Variants in CAPZB observed in about 807,000 individuals in gnomAD.
The protein encoded by CAPZB is F-actin-capping protein subunit beta.
In CAPZB, 2 loss-of-function variants were observed where a neutral mutation model predicts 38.1. The ratio of observed to expected loss-of-function variants is 0.05; its 90% CI spans 0.02 to 0.17. The LOEUF is 0.17. Ranked by LOEUF, CAPZB falls within the 10% of genes least tolerant of loss-of-function variation. CAPZB has a pLI of 1.00. For missense variants in CAPZB, 161 were observed against 334.2 expected (o/e 0.48, Z 4.04); for synonymous variants, 107 against 127.4 (o/e 0.84, Z 1.08).
At position 19,387,717 on chromosome 1, in the gene CAPZB, G is replaced by A. The variant is rs117972383; in HGVS notation, c.94-2091C>T. ...GCGTACAAGTAGCCTTATGGCCTGG[G>A]TAAGTCATTTTACTTCTCTACTAAG... On this transcript the variant is annotated intron_variant, in intron 2 of 8. Transcript: ENST00000264202. 2.8e-3 allele frequency among the ~76,000 whole-genome samples: 432 copies of A among 152,308 alleles called. 3 individuals are homozygous for A. Among genetic ancestry groups the A allele is most frequent in the South Asian group, 0.027 (128 of 4,822 alleles).
intron 8 of CAPZB, 128 bp downstream of exon 8, chr1:19,344,230 C>T: frequency 1.4e-6 from 1 of 720,848 alleles, no homozygotes; most frequent in Non-Finnish European, 2.5e-6. Flanking sequence ...AATGATCATC[C>T]CAGAAGAGGG....
chr1:19,355,355 C>A (rs138857963), intron 6 of CAPZB, among the ~76,000 whole-genome samples: 1 of 151,916 alleles, frequency 6.6e-6, no homozygotes, highest in Non-Finnish European at 1.5e-5. Context: ...ATGAGCTGGG[C>A]GTGGTGGTGC....
chr1:19,368,836 T>C (rs2094105147), intron 4 of CAPZB, among the ~76,000 whole-genome samples: 1 of 152,126 alleles, frequency 6.6e-6, no homozygotes, highest in Non-Finnish European at 1.5e-5. Context: ...CCACCGCACC[T>C]ATTCTTGATA....
Position 19,419,374 on chromosome 1 carries a change from A to C in CAPZB, c.93+287T>G, listed in dbSNP as rs1185969281. On this transcript the variant is annotated intron_variant, in intron 2 of 8. Coordinates refer to ENST00000264202, the MANE Select transcript of CAPZB (RefSeq NM_004930.5). ...TATGGCCTCTTCCTCACCACGTCTA[A>C]ATGCAAGCTTCTAGAAACTGAAGAC... is the stretch of plus-strand genomic sequence containing the variant. Among the ~76,000 whole-genome samples the C allele has an allele frequency of 3.3e-5, 5 of 152,290 alleles. No individual in the cohort carries two copies. The East Asian group carries it at 9.6e-4, about 29-fold the overall frequency.
chr1:19,419,795 G>T (rs1372774037), intron 1 of CAPZB, 45 bp from the exon 2 acceptor site: 2 of 1,155,066 alleles, frequency 1.7e-6, no homozygotes, highest in East Asian at 2.6e-5. Flanking sequence ...TTTGCCAGAA[G>T]GAATATCAAA....
intron 8 of CAPZB, among the ~76,000 whole-genome samples, chr1:19,342,140 G>A (rs920645316): frequency 6.6e-6 from 1 of 152,236 alleles, no homozygotes; most frequent in Non-Finnish European, 1.5e-5. Flanking sequence ...CGTTAGGGGC[G>A]GAAGGTTATG....
chr1:19,464,014 A>G (rs1255217818), intron 1 of CAPZB, among the ~76,000 whole-genome samples: 2 of 81,234 alleles, frequency 2.5e-5, no homozygotes, highest in Non-Finnish European at 5.3e-5. Context: ...ATCTCTACTA[A>G]AAATACAAAA....
At chr1:19,442,149 CATT>C (rs2094479552) in intron 1 of CAPZB, among the ~76,000 whole-genome samples, 1 of 145,628 alleles carries the variant, frequency 6.9e-6, no homozygotes, top group African/African-American at 2.5e-5. Context: ...GAGCCTGTTA[CATT>C]ATTACTGTAA....
intron 2 of CAPZB, among the ~76,000 whole-genome samples, chr1:19,408,361 G>C (rs1277453134): frequency 6.6e-6 from 1 of 152,256 alleles, no homozygotes; most frequent in African/African-American, 2.4e-5. Flanking sequence ...ACCGTCTCAT[G>C]AATTCGGCTT....
rs765043545 is a variant in CAPZB, at chr1:19,357,686, C to A, written c.330-123G>T. On this transcript the variant is annotated intron_variant, in intron 4 of 8. Coordinates refer to ENST00000264202, the MANE Select transcript of CAPZB (RefSeq NM_004930.5). This position sits in a 1 kb window ranked among gnomAD's most constrained non-coding sequence, Gnocchi z 4.3. ...CCCTCCCTGCGACAGTTATGGGAGC[C>A]GATCCTTGGGTGTGTTCTGATCGTT... The A allele has an allele frequency of 1.1e-6, 1 of 881,558 alleles. No individual in the cohort carries two copies. The highest frequency in any genetic ancestry group is 1.8e-6 in the Non-Finnish European group (1 of 565,496). The allele number at this position is 881,558 out of a possible 1,614,324, so 54.6% of individuals were successfully genotyped here. A position where few individuals can be genotyped will look rare whatever the true frequency, so the allele number is the denominator to read the frequency against.
chr1:19,439,708 G>A (rs568323926), intron 1 of CAPZB, among the ~76,000 whole-genome samples: 103 of 152,280 alleles, frequency 6.8e-4, no homozygotes, highest in African/African-American at 2.4e-3. Flanking sequence ...CTTCCCTCCC[G>A]GCTGACACTC....
At chr1:19,353,134 A>G (rs1410496035) in intron 6 of CAPZB, among the ~76,000 whole-genome samples, 1 of 152,248 alleles carries the variant, frequency 6.6e-6, no homozygotes, top group East Asian at 1.9e-4. Context: ...GCTGGGCCAC[A>G]GGACCCTGGG....
intron 4 of CAPZB, among the ~76,000 whole-genome samples, chr1:19,372,022 A>G (rs774831192): frequency 1.3e-5 from 2 of 152,212 alleles, no homozygotes; most frequent in Non-Finnish European, 2.9e-5. Context: ...ACTCCTGGAG[A>G]GGCCCTTGGG....
At chr1:19,422,652 G>T (rs2094405854) in intron 1 of CAPZB, among the ~76,000 whole-genome samples, 1 of 151,890 alleles carries the variant, frequency 6.6e-6, no homozygotes, top group Admixed American at 6.6e-5. Flanking sequence ...CAGGAGAATG[G>T]CATGAACCCG....
chr1:19,451,455 C>T (rs1052104499), intron 1 of CAPZB, among the ~76,000 whole-genome samples: 3 of 152,130 alleles, frequency 2.0e-5, no homozygotes, highest in Non-Finnish European at 2.9e-5. Context: ...TGCTCCCCAC[C>T]GGCATGTGGT....
At chr1:19,342,664 G>A (rs983516622) in intron 8 of CAPZB, 38 of 806,260 alleles carry the variant, frequency 4.7e-5, no homozygotes, top group South Asian at 3.8e-4. Context: ...TTAAATGGCC[G>A]CGGAGCAGCA....
intron 2 of CAPZB, among the ~76,000 whole-genome samples, chr1:19,417,465 C>T (rs940864634): frequency 2.6e-5 from 4 of 152,180 alleles, no homozygotes; most frequent in Admixed American, 6.5e-5. Context: ...ACCTCTTCCA[C>T]GTAGGATCAA....
At chr1:19,383,174 A>T (rs1189557646) in intron 3 of CAPZB, among the ~76,000 whole-genome samples, 1 of 151,692 alleles carries the variant, frequency 6.6e-6, no homozygotes, top group African/African-American at 2.4e-5. Context: ...GGCTGGGCGC[A>T]GTGGCTCATG....
chr1:19,403,646 CA>C (rs1415775585), intron 2 of CAPZB, among the ~76,000 whole-genome samples: 2 of 152,228 alleles, frequency 1.3e-5, no homozygotes, highest in African/African-American at 4.8e-5. Flanking sequence ...GCAGAGCAGG[CA>C]GGGGATGACA....
Sources: gnomAD v4.1 joint callset for allele counts (sites outside exome capture counted in the v4.1 genomes callset) on GRCh38, gnomAD v4.1.1 for gene constraint, Gnocchi (gnomAD v3.1) non-coding constraint, MANE v1.5 for transcripts, NCBI Gene and HGNC (gene_info 2026-07-23, HGNC 2026-07-21) for gene names.